CMKLR2: variants seen among roughly 807,000 people sequenced by gnomAD.
CMKLR2 encodes the protein chemerin chemokine-like receptor 2, also known as chemerin-like receptor 2.
A neutral mutation model predicts 23.0 loss-of-function variants in CMKLR2; 18 were observed. The observed-to-expected ratio is 0.78, with a 90% CI of 0.54 to 1.16. CMKLR2 has a LOEUF of 1.16. CMKLR2 is among the 50% of genes most tolerant of loss of function. CMKLR2 has a pLI of 0.00. For synonymous variants in CMKLR2, 158 were observed against 158.9 expected, an observed-to-expected ratio of 0.99 and a Z score of 0.05; for missense variants, 401 against 412.7, an observed-to-expected ratio of 0.97 and a Z score of 0.25.
chr2:206,190,909 T>C (rs1481758179), intron 1 of CMKLR2, among the ~76,000 whole-genome samples: 1 of 152,236 alleles, frequency 6.6e-6, no homozygotes, highest in Non-Finnish European at 1.5e-5. Context: ...CGCCTACTTA[T>C]GTACCTGTTG....
At chr2:206,183,950 A>T (rs1029464024) in intron 1 of CMKLR2, among the ~76,000 whole-genome samples, 2 of 152,192 alleles carry the variant, frequency 1.3e-5, no homozygotes, top group Non-Finnish European at 2.9e-5. Flanking sequence ...GGCTGCTGTA[A>T]CAAAGCAACA....
chr2:206,208,842 T>C (rs1689434262), intron 1 of CMKLR2, among the ~76,000 whole-genome samples: 1 of 151,998 alleles, frequency 6.6e-6, no homozygotes, highest in South Asian at 2.1e-4. Flanking sequence ...GGCTAATTCT[T>C]AAATTTTTGG....
chr2:206,200,150 G>A (rs1305522511), intron 1 of CMKLR2, among the ~76,000 whole-genome samples: 2 of 152,140 alleles, frequency 1.3e-5, no homozygotes, highest in Admixed American at 1.3e-4. Flanking sequence ...TCGGCCGGAC[G>A]CAGTGGCTCA....
rs1215829642 is a variant in CMKLR2 at position 206,213,368 on chromosome 2, G to C, written c.-90C>G. 6.6e-6 allele frequency: 1 copy of C among 152,234 alleles called. No individual in the cohort carries two copies. Among genetic ancestry groups the C allele is most frequent in the Non-Finnish European group, 1.5e-5 (1 of 68,042 alleles). 9.4% of individuals were successfully genotyped at this position (152,234 alleles called of 1,614,324 possible). A position where few individuals can be genotyped will look rare whatever the true frequency, so the allele number is the denominator to read the frequency against. Reference sequence around the variant, plus strand: ...GCCTGGGTGTACCTTCCCGGTTCCAGAATGAAATGGAGGGTGGTGTTCAGA... The same window carrying C: ...GCCTGGGTGTACCTTCCCGGTTCCACAATGAAATGGAGGGTGGTGTTCAGA... On this transcript the variant is annotated 5_prime_UTR_variant, in exon 1 of 2. Coordinates refer to ENST00000621141, the MANE Select transcript of CMKLR2 (RefSeq NM_001389445.1).
intron 1 of CMKLR2, among the ~76,000 whole-genome samples, chr2:206,182,361 CT>C (rs1401159851): frequency 6.6e-6 from 1 of 152,160 alleles, no homozygotes; most frequent in Non-Finnish European, 1.5e-5. Context: ...TCATACTTGT[CT>C]TATCACACTT....
chr2:206,185,896 A>G (rs1688562148), intron 1 of CMKLR2, among the ~76,000 whole-genome samples: 1 of 152,108 alleles, frequency 6.6e-6, no homozygotes, highest in Non-Finnish European at 1.5e-5. Context: ...TCCTCTTCTC[A>G]TGGGCTAGAA....
upstream of CMKLR2, among the ~76,000 whole-genome samples, chr2:206,214,746 C>G (rs1689694431): frequency 6.6e-6 from 1 of 152,056 alleles, no homozygotes. Flanking sequence ...GCCTTAGCCT[C>G]CCGAGTAGCT....
At chr2:206,202,517 G>A (rs952542662) in intron 1 of CMKLR2, among the ~76,000 whole-genome samples, 2 of 152,256 alleles carry the variant, frequency 1.3e-5, no homozygotes, top group Admixed American at 1.3e-4. Context: ...CTGGAGTGCA[G>A]TGGCGCAATA....
At chr2:206,212,001 A>G (rs977397439) in intron 1 of CMKLR2, among the ~76,000 whole-genome samples, 1 of 152,070 alleles carries the variant, frequency 6.6e-6, no homozygotes. Context: ...TCTTCTGTCA[A>G]TTTCATTTGC....
At chr2:206,207,143 C>T (rs371813606) in intron 1 of CMKLR2, among the ~76,000 whole-genome samples, 33 of 125,284 alleles carry the variant, frequency 2.6e-4, no homozygotes, top group African/African-American at 9.7e-4. Context: ...TCATGTGTTG[C>T]TTATAATTTT....
Position 206,176,497 on chromosome 2 carries a change from C to A in CMKLR2, c.751G>T (p.Val251Leu), listed in dbSNP as rs1322676990. ...SSRHFWTILV[V>L]VVAFVVCWTP... ...CAGCAAACCACAAAGGCCACAACCA[C>A]AACCAGAATTGTCCAGAAATGCCTA... Residue 251 changes from valine (V) to leucine (L), a missense_variant, in exon 2 of 2, where the codon GTG becomes TTG. By Grantham distance (32) the Val-to-Leu change is conservative. Coordinates refer to ENST00000621141, the MANE Select transcript of CMKLR2 (RefSeq NM_001389445.1). 4.3e-6 allele frequency: 7 copies of A among 1,614,050 alleles called. No homozygotes were observed. In the African/African-American group the frequency reaches 9.3e-5, roughly 22 times the overall value.
intron 1 of CMKLR2, among the ~76,000 whole-genome samples, chr2:206,182,293 G>T (rs1314016197): frequency 6.6e-6 from 1 of 152,174 alleles, no homozygotes; most frequent in Non-Finnish European, 1.5e-5. Flanking sequence ...AGGATCTAAA[G>T]TCAGATCTGT....
At chr2:206,190,532 A>T (rs1688717944) in intron 1 of CMKLR2, among the ~76,000 whole-genome samples, 1 of 152,156 alleles carries the variant, frequency 6.6e-6, no homozygotes. Context: ...GATGAGGGAG[A>T]TGTATTTGAA....
chr2:206,197,716 A>T (rs114246333), intron 1 of CMKLR2, among the ~76,000 whole-genome samples: 1,946 of 152,112 alleles, frequency 0.013, 21 homozygotes, highest in Non-Finnish European at 0.02. Flanking sequence ...TTTTGTAGAG[A>T]TGGTGTCTTG....
chr2:206,215,884 CT>C (rs530494885), upstream of CMKLR2, among the ~76,000 whole-genome samples: 302 of 152,258 alleles, frequency 2.0e-3, 1 homozygote, highest in African/African-American at 6.9e-3. Context: ...TTAAGAGAGC[CT>C]TTTGTGTAAG....
At chr2:206,178,773 T>C (rs951319655) in intron 1 of CMKLR2, among the ~76,000 whole-genome samples, 3 of 151,982 alleles carry the variant, frequency 2.0e-5, no homozygotes, top group African/African-American at 7.2e-5. Context: ...TTGAGCCTCC[T>C]GAGTAGTTGG....
chr2:206,207,728 C>CTTTTTTTTTT (rs71034423), intron 1 of CMKLR2, among the ~76,000 whole-genome samples: 3,045 of 43,478 alleles, frequency 0.07, 836 homozygotes, highest in East Asian at 0.12. Context: ...ACCTCAGGGC[C>CTTTTTTTTTT]TTTTTTTTTT....
intron 1 of CMKLR2, among the ~76,000 whole-genome samples, chr2:206,192,737 T>G (rs1012751811): frequency 6.6e-6 from 1 of 152,128 alleles, no homozygotes; most frequent in African/African-American, 2.4e-5. Flanking sequence ...AGCAATGTAA[T>G]GTTTGAAAAT....
Position 206,189,686 on chromosome 2 carries a change from C to T in CMKLR2, c.-28-12411G>A, listed in dbSNP as rs1419464686. 7.3e-5 allele frequency among the ~76,000 whole-genome samples: 11 copies of T among 151,256 alleles called. 1 individual carries two copies. The highest frequency in any genetic ancestry group is 7.3e-4 in the Admixed American group (11 of 15,172). On this transcript the variant is annotated intron_variant, in intron 1 of 1. Transcript: ENST00000621141. The stretch of plus-strand genomic sequence containing the variant: ...AGAATGAATAGAAAGAATTGATGGA[C>T]ACAAGAGAGAAATTCTCCAGTAAAA...
Sources: gnomAD v4.1 joint callset for allele counts (sites outside exome capture counted in the v4.1 genomes callset) on GRCh38, gnomAD v4.1.1 for gene constraint, MANE v1.5 for transcripts, NCBI Gene and HGNC (gene_info 2026-07-23, HGNC 2026-07-21) for gene names.